CEP126: variants seen among roughly 807,000 people sequenced by gnomAD.
The protein encoded by CEP126 is centrosomal protein of 126 kDa.
A neutral mutation model predicts 107.8 loss-of-function variants in CEP126; 74 were observed. The observed-to-expected ratio is 0.69, with a 90% CI of 0.57 to 0.83. The LOEUF (loss-of-function observed/expected upper bound fraction) is 0.83, where lower values mean the gene tolerates loss of function less well. CEP126 is among the 40% of genes least tolerant of loss of function. CEP126 has a pLI of 0.00. For missense variants in CEP126, 1,237 were observed against 1,281.9 expected, an observed-to-expected ratio of 0.96 and a Z score of 0.53; for synonymous variants, 449 against 446.0, an observed-to-expected ratio of 1.01 and a Z score of -0.08.
chr11:101,980,015 A>T (rs2137125860), intron 7 of CEP126, among the ~76,000 whole-genome samples: 1 of 152,286 alleles, frequency 6.6e-6, no homozygotes, highest in South Asian at 2.1e-4. Context: ...AAGGTGCTAT[A>T]ATTTGTATAT....
chr11:101,949,201 G>T (rs1940778505), intron 4 of CEP126, among the ~76,000 whole-genome samples: 2 of 152,196 alleles, frequency 1.3e-5, no homozygotes, highest in African/African-American at 4.8e-5. Context: ...GCAAAATACA[G>T]ATGGCTTTGC....
At chr11:101,970,375 A>G (rs1369449286) in intron 6 of CEP126, among the ~76,000 whole-genome samples, 1 of 152,222 alleles carries the variant, frequency 6.6e-6, no homozygotes, top group Non-Finnish European at 1.5e-5. Flanking sequence ...CTCCATTTAT[A>G]TCAAGAACAG....
chr11:101,971,552 T>C (rs1304277405), intron 6 of CEP126, among the ~76,000 whole-genome samples: 1 of 151,350 alleles, frequency 6.6e-6, no homozygotes, highest in East Asian at 1.9e-4. Context: ...AGGTGTTGCG[T>C]TGTTTTTGTT....
intron 4 of CEP126, among the ~76,000 whole-genome samples, chr11:101,954,168 C>T (rs1940853279): frequency 6.6e-6 from 1 of 152,050 alleles, no homozygotes; most frequent in African/African-American, 2.4e-5. Context: ...GCTGGGATTA[C>T]AGGAACGTAC....
In CEP126 at chr11:101,944,554, A is replaced by G; in HGVS notation, c.394+144A>G. On this transcript the variant is annotated intron_variant, in intron 3 of 10. Transcript: ENST00000263468. ...CTTTTGAGTAAAAGCACTTTAACCAAAGAAAAATAGTCAATTGATTTAGGT... is the reference window on the plus strand; with the variant it reads ...CTTTTGAGTAAAAGCACTTTAACCAGAGAAAAATAGTCAATTGATTTAGGT... The G allele has an allele frequency of 6.9e-6, 5 of 720,036 alleles. No individual in the cohort carries two copies. The South Asian group carries it at 1.0e-4, about 15-fold the overall frequency. The allele number at this position is 720,036 out of a possible 1,614,324, so 44.6% of individuals were successfully genotyped here.
At position 101,998,363 on chromosome 11, in the gene CEP126, T is replaced by C. The variant is rs570330290; in HGVS notation, c.*720T>C. On this transcript the variant is annotated 3_prime_UTR_variant, in exon 11 of 11. Transcript: ENST00000263468. Reference sequence around the variant, plus strand: ...CACTTTGCAGGCCGAGGTAGACAGATGGCTTGAGCTCAGGAGTTCGTGACC... The same window carrying C: ...CACTTTGCAGGCCGAGGTAGACAGACGGCTTGAGCTCAGGAGTTCGTGACC... 1.2e-4 allele frequency: 19 copies of C among 152,182 alleles called. No homozygotes were observed. Among genetic ancestry groups the C allele is most frequent in the African/African-American group, 4.3e-4 (18 of 41,514 alleles). 9.4% of individuals were successfully genotyped at this position (152,182 alleles called of 1,614,324 possible).
rs952859970 is a variant in CEP126 at position 101,977,630 on chromosome 11, CAAAAAAA to C, written c.2846-703_2846-697del. Among the ~76,000 whole-genome samples the C allele has an allele frequency of 3.6e-4, 19 of 52,650 alleles. No individual in the cohort carries two copies. The East Asian group carries it at 5.7e-3, about 16-fold the overall frequency. The allele number at this position is 52,650 out of a possible 152,430, so 34.5% of individuals were successfully genotyped here. ...TGGGTGACAGAGCAAGACTCTGTCT[CAAAAAAA>C]AAAAAAAAAAAAAGAAAAGAAAAAT... On this transcript the variant is annotated intron_variant, in intron 6 of 10. Coordinates refer to ENST00000263468, the MANE Select transcript of CEP126 (RefSeq NM_020802.4).
intron 9 of CEP126, among the ~76,000 whole-genome samples, chr11:101,991,490 CTA>C (rs1330217709): frequency 1.3e-5 from 2 of 152,200 alleles, no homozygotes; most frequent in South Asian, 4.2e-4. Context: ...ATTTAAATAA[CTA>C]TGACTAATAT....
At chr11:101,955,213 G>A (rs957118786) in intron 4 of CEP126, among the ~76,000 whole-genome samples, 4 of 151,780 alleles carry the variant, frequency 2.6e-5, no homozygotes, top group African/African-American at 9.7e-5. Flanking sequence ...ATATTAATAA[G>A]GGAGTAAAGT....
rs768496474 is a variant in CEP126, at chr11:101,997,879, A to G, written c.*236A>G. On this transcript the variant is annotated 3_prime_UTR_variant, in exon 11 of 11. Coordinates refer to ENST00000263468, the MANE Select transcript of CEP126 (RefSeq NM_020802.4). Reference sequence around the variant, plus strand: ...AGACATTATGCCTGCCTAAACAAAAAGCAGGACATAACCTAGCTCTGAATA... The same window carrying G: ...AGACATTATGCCTGCCTAAACAAAAGGCAGGACATAACCTAGCTCTGAATA... The G allele has an allele frequency of 1.8e-5, 9 of 508,152 alleles. No individual in the cohort carries two copies. Among genetic ancestry groups the G allele is most frequent in the Non-Finnish European group, 2.8e-5 (8 of 286,784 alleles). 31.5% of individuals were successfully genotyped at this position (508,152 alleles called of 1,614,324 possible).
chr11:101,920,701 G>T (rs145726246), intron 1 of CEP126, among the ~76,000 whole-genome samples: 12 of 151,256 alleles, frequency 7.9e-5, no homozygotes, highest in African/African-American at 2.9e-4. Flanking sequence ...CCCCCTCCAA[G>T]CTCAAGCGAT....
At chr11:101,949,985 C>T (rs1359997881) in intron 4 of CEP126, among the ~76,000 whole-genome samples, 1 of 152,194 alleles carries the variant, frequency 6.6e-6, no homozygotes, top group African/African-American at 2.4e-5. Context: ...CTGTCACCCT[C>T]CTTTCTCCTT....
intron 1 of CEP126, among the ~76,000 whole-genome samples, chr11:101,916,789 A>T (rs995733087): frequency 2.0e-5 from 3 of 152,144 alleles, no homozygotes; most frequent in East Asian, 1.9e-4. Flanking sequence ...CTCATTTTTT[A>T]AATTTTATGT....
intron 4 of CEP126, among the ~76,000 whole-genome samples, chr11:101,951,714 C>CT (rs1427008661): frequency 6.6e-6 from 1 of 152,092 alleles, no homozygotes; most frequent in African/African-American, 2.4e-5. Context: ...TATTTTGAGT[C>CT]TTGCTGATTA....
chr11:101,920,810 T>C (rs1372023087), intron 1 of CEP126, among the ~76,000 whole-genome samples: 1 of 152,136 alleles, frequency 6.6e-6, no homozygotes, highest in Non-Finnish European at 1.5e-5. Context: ...TTCACCATAT[T>C]GCCCAGGCTC....
rs757955825 is a variant in CEP126, at chr11:101,915,343, C to T, written c.59C>T (p.Ser20Leu). 6.2e-7 allele frequency: 1 copy of T among 1,613,998 alleles called. No individual in the cohort carries two copies. Among genetic ancestry groups the T allele is most frequent in the Non-Finnish European group, 8.5e-7 (1 of 1,179,988 alleles). ...GTCGGGGAACTGGGCACTGAATCAT[C>T]GGACAACCTCGACAGAGCCCCCCTC... The part of the protein sequence containing the change: ...SAVGELGTES[S>L]DNLDRAPLGP... The change falls in exon 1 of 11, where the codon TCG becomes TTG. Residue 20 changes from serine to leucine, a missense_variant. Ser to Leu is a moderately radical substitution (Grantham distance 145). Coordinates refer to ENST00000263468, the MANE Select transcript of CEP126 (RefSeq NM_020802.4).
chr11:101,925,331 A>G lies in CEP126; in HGVS notation c.248+2571A>G, dbSNP rs542567350. ...TATTTCCTGCTTTTTCAGTCCACCA[A>G]CCAGAACTATCTTTTGGTAAATACG... On this transcript the variant is annotated intron_variant, in intron 2 of 10. Coordinates refer to ENST00000263468, the MANE Select transcript of CEP126 (RefSeq NM_020802.4). Among the ~76,000 whole-genome samples, 17 of 152,262 alleles carry G rather than the reference A, an allele frequency of 1.1e-4. No individual in the cohort carries two copies. In the South Asian group the frequency reaches 2.1e-3, roughly 19 times the overall value.
At chr11:101,937,074 T>G (rs958735179) in intron 2 of CEP126, among the ~76,000 whole-genome samples, 1 of 152,240 alleles carries the variant, frequency 6.6e-6, no homozygotes, top group African/African-American at 2.4e-5. Context: ...GAAATTCATT[T>G]ATGTTTGATA....
rs570326858 is a variant in CEP126, at chr11:101,962,343, C to G, written c.1308C>G (p.Asp436Glu). The G allele has an allele frequency of 6.2e-7, 1 of 1,613,532 alleles. No homozygotes were observed. Among genetic ancestry groups the G allele is most frequent in the African/African-American group, 1.3e-5 (1 of 75,006 alleles). The change falls in exon 6 of 11, where the codon GAC becomes GAG. Residue 436 changes from aspartate (D) to glutamate (E), a missense_variant. Around this residue, in one of 3 missense-constraint regions of CEP126, gnomAD observed 1,134 missense variants for 1,150.5 expected, o/e 0.99. Transcript: ENST00000263468. ...CCCAGGAAGTGGCTACATTTCCAGA[C>G]CAAGAGAAATATTCTGAATTAAATC... ...SLTQEVATFPDQEKYSELNQE... is the reference protein window; with the variant it reads ...SLTQEVATFPEQEKYSELNQE...
Sources: allele counts gnomAD v4.1 joint callset (sites outside exome capture counted in the v4.1 genomes callset), GRCh38; gene constraint gnomAD v4.1.1; regional missense constraint gnomAD v4.1.1; transcripts MANE v1.5; gene names NCBI Gene and HGNC (gene_info 2026-07-23, HGNC 2026-07-21).